ASH1L: variants seen among roughly 807,000 people sequenced by gnomAD.
ASH1L encodes histone-lysine N-methyltransferase ASH1L.
Under a neutral mutation model 269.0 loss-of-function variants are expected in ASH1L, and 23 were observed. That is an observed-to-expected ratio of 0.09 (90% confidence interval 0.06 to 0.12). ASH1L has a LOEUF of 0.12. ASH1L is among the 10% of genes least tolerant of loss of function. ASH1L has a pLI of 1.00. For synonymous variants in ASH1L, 1,187 were observed against 1,253.5 expected (o/e 0.95, Z 1.12); for missense variants, 2,912 against 3,567.8 (o/e 0.82, Z 4.68).
intron 6 of ASH1L, among the ~76,000 whole-genome samples, chr1:155,407,332 G>A (rs1264212156): frequency 6.6e-6 from 1 of 152,122 alleles, no homozygotes; most frequent in Non-Finnish European, 1.5e-5. Context: ...AAATTTCTAG[G>A]ACTACAAAAG....
intron 5 of ASH1L, among the ~76,000 whole-genome samples, chr1:155,431,272 A>T (rs973950445): frequency 2.6e-5 from 4 of 151,392 alleles, no homozygotes; most frequent in Non-Finnish European, 5.9e-5. Context: ...ACATATTTTT[A>T]GAGACAAAGT....
chr1:155,339,431 G>C (rs981622189), intron 25 of ASH1L, 63 bp from the exon 26 acceptor site: 29 of 1,517,390 alleles, frequency 1.9e-5, no homozygotes, highest in Middle Eastern at 1.8e-4. Context: ...GCTCTTCTCT[G>C]GGGCCAGTCA....
intron 2 of ASH1L, among the ~76,000 whole-genome samples, chr1:155,508,270 A>T (rs1189580773): frequency 6.6e-6 from 1 of 152,228 alleles, no homozygotes; most frequent in East Asian, 1.9e-4. Flanking sequence ...CCAAACATAA[A>T]TTTTTAGAGA....
chr1:155,465,139 A>G (rs1664577950), intron 3 of ASH1L, among the ~76,000 whole-genome samples: 1 of 152,144 alleles, frequency 6.6e-6, no homozygotes, highest in Non-Finnish European at 1.5e-5. Context: ...ATAGCAGAAT[A>G]GATAAAATTC....
At position 155,562,285 on chromosome 1, in the gene ASH1L, G is replaced by T; in HGVS notation, c.-232C>A. 6.2e-7 allele frequency: 1 copy of T among 1,604,218 alleles called. No homozygotes were observed. The highest frequency in any genetic ancestry group is 1.7e-4 in the Middle Eastern group (1 of 6,034). On this transcript the variant is annotated 5_prime_UTR_variant, in exon 1 of 28. Transcript: ENST00000392403. The stretch of plus-strand genomic sequence containing the variant: ...TCCCGCTTGTCAGGAGGCGGCCAGC[G>T]GGTAAGCTGACTGGCGGAAATGCGA...
intron 5 of ASH1L, among the ~76,000 whole-genome samples, chr1:155,421,589 T>G (rs1044777489): frequency 2.0e-5 from 3 of 151,134 alleles, no homozygotes; most frequent in Admixed American, 6.6e-5. Context: ...GAGAATGGCA[T>G]GAACCCGGGA....
intron 12 of ASH1L, among the ~76,000 whole-genome samples, chr1:155,363,530 C>T (rs1253533650): frequency 6.6e-6 from 1 of 152,138 alleles, no homozygotes; most frequent in African/African-American, 2.4e-5. Flanking sequence ...AGGCATGACC[C>T]ACGGAGCCTG....
chr1:155,407,775 T>C (rs1008315215), intron 6 of ASH1L, among the ~76,000 whole-genome samples: 3 of 151,900 alleles, frequency 2.0e-5, no homozygotes, highest in African/African-American at 4.8e-5. Flanking sequence ...GCATGAAACC[T>C]GAAAACAATA....
chr1:155,409,984 G>A (rs867323991), intron 6 of ASH1L, among the ~76,000 whole-genome samples: 6 of 151,806 alleles, frequency 4.0e-5, no homozygotes, highest in Middle Eastern at 6.8e-3. Context: ...TGGCCAATAT[G>A]TGAAACCCCG....
At chr1:155,498,518 C>T (rs1019230600) in intron 2 of ASH1L, among the ~76,000 whole-genome samples, 16 of 151,648 alleles carry the variant, frequency 1.1e-4, no homozygotes, top group African/African-American at 3.1e-4. Flanking sequence ...CTCGGCTCAC[C>T]GCAACCTCTG....
chr1:155,343,015 CT>C lies in ASH1L; in HGVS notation c.8293+298del, dbSNP rs571898394. The C allele has an allele frequency of 0.062, 11,709 of 190,152 alleles. No homozygotes were observed. The highest frequency in any genetic ancestry group is 0.1 in the Middle Eastern group (55 of 540). The allele number at this position is 190,152 out of a possible 1,614,324, so 11.8% of individuals were successfully genotyped here. ...ACAGGAGACATGAGGTCATTGAAGTCTTTTTTTTTTTTTTGAGGCAGGGTTT... is the reference window on the plus strand; with the variant it reads ...ACAGGAGACATGAGGTCATTGAAGTCTTTTTTTTTTTTTGAGGCAGGGTTT... On this transcript the variant is annotated intron_variant, in intron 24 of 27. Coordinates refer to ENST00000392403, the MANE Select transcript of ASH1L (RefSeq NM_018489.3). The surrounding 1 kb of genome is among the most constrained non-coding windows in gnomAD (Gnocchi z 6.1).
chr1:155,433,093 C>T, intron 5 of ASH1L: 1 of 1,307,494 alleles, frequency 7.6e-7, no homozygotes, highest in Non-Finnish European at 1.0e-6. Flanking sequence ...ACTGCTATGA[C>T]AGAGATACCA....
chr1:155,468,697 T>C (rs1481766464), intron 3 of ASH1L, among the ~76,000 whole-genome samples: 3 of 152,310 alleles, frequency 2.0e-5, no homozygotes, highest in East Asian at 3.9e-4. Flanking sequence ...CAATACCTAT[T>C]ATACAGTAGG....
At chr1:155,540,103 G>A (rs1427966576) in intron 1 of ASH1L, among the ~76,000 whole-genome samples, 1 of 151,654 alleles carries the variant, frequency 6.6e-6, no homozygotes, top group East Asian at 1.9e-4. Flanking sequence ...TAATTTCCCT[G>A]CTTAAAATCT....
intron 13 of ASH1L, among the ~76,000 whole-genome samples, chr1:155,360,086 T>C (rs1281522032): frequency 1.3e-5 from 2 of 151,872 alleles, no homozygotes; most frequent in Non-Finnish European, 2.9e-5. Context: ...GACAGGGTTT[T>C]GTCATGTTGG....
chr1:155,385,558 T>A lies in ASH1L; in HGVS notation c.6104-5442A>T, dbSNP rs527580130. Among the ~76,000 whole-genome samples, 16 of 152,350 alleles carry A rather than the reference T, an allele frequency of 1.1e-4. No homozygotes were observed. In the South Asian group the frequency reaches 1.2e-3, roughly 12 times the overall value. ...TAAGGCATTTTTATCAAGACTGCTT[T>A]AAAAATCTGCCAGATAATTCTAATG... On this transcript the variant is annotated intron_variant, in intron 7 of 27. Coordinates refer to ENST00000392403, the MANE Select transcript of ASH1L (RefSeq NM_018489.3).
In ASH1L at chr1:155,343,892, A is replaced by G; in HGVS notation, c.7982-150T>C. On this transcript the variant is annotated intron_variant, in intron 22 of 27. Transcript: ENST00000392403. The surrounding 1 kb of genome is among the most constrained non-coding windows in gnomAD (Gnocchi z 6.1). ...CTAAAAGCAGCAGTGTTAAGTGATG[A>G]TAATCAATTCTAGACTATGACAATA... 1.1e-6 allele frequency: 1 copy of G among 937,340 alleles called. No individual in the cohort carries two copies. The highest frequency in any genetic ancestry group is 1.6e-6 in the Non-Finnish European group (1 of 638,998). 58.1% of individuals were successfully genotyped at this position (937,340 alleles called of 1,614,324 possible). A position where few individuals can be genotyped will look rare whatever the true frequency, so the allele number is the denominator to read the frequency against.
At chr1:155,421,297 C>A (rs1660654317) in intron 5 of ASH1L, among the ~76,000 whole-genome samples, 2 of 130,244 alleles carry the variant, frequency 1.5e-5, no homozygotes, top group Admixed American at 7.9e-5. Flanking sequence ...ATAGATCTAA[C>A]ACAATCTCAA....
chr1:155,562,579 G>A lies in ASH1L; in HGVS notation c.-526C>T, dbSNP rs757677870. 3.0e-4 allele frequency: 466 copies of A among 1,528,842 alleles called. 1 individual carries two copies. Among genetic ancestry groups the A allele is most frequent in the Non-Finnish European group, 3.8e-4 (432 of 1,141,426 alleles). The allele number at this position is 1,528,842 out of a possible 1,614,324, so 94.7% of individuals were successfully genotyped here. On this transcript the variant is annotated 5_prime_UTR_variant, in exon 1 of 28. It adds an upstream start codon to the 5' untranslated region. Transcript: ENST00000392403. ...ACCGTCCCCCGCTCCGCCCGACTCC[G>A]TCCGCGTAGCGCGCACGCCCGCCCG...
Sources: gnomAD v4.1 joint callset for allele counts (sites outside exome capture counted in the v4.1 genomes callset) on GRCh38, gnomAD v4.1.1 for gene constraint, Gnocchi (gnomAD v3.1) non-coding constraint, MANE v1.5 for transcripts, NCBI Gene and HGNC (gene_info 2026-07-23, HGNC 2026-07-21) for gene names.